GPC5: variants seen among roughly 807,000 people sequenced by gnomAD.
The protein encoded by GPC5 is glypican-5.
A neutral mutation model predicts 53.9 loss-of-function variants in GPC5; 47 were observed. The observed-to-expected ratio is 0.87, with a 90% CI of 0.69 to 1.11. GPC5 has a LOEUF of 1.11. Among genes scored for constraint, GPC5 ranks in the 50% most tolerant of loss-of-function variants. The pLI, the probability that GPC5 is intolerant of heterozygous loss-of-function variation, is 0.00. For synonymous variants in GPC5, 286 were observed against 263.3 expected (o/e 1.09, Z -0.84); for missense variants, 748 against 713.1 (o/e 1.05, Z -0.56).
At chr13:91,636,383 T>C (rs1317687442) in intron 2 of GPC5, among the ~76,000 whole-genome samples, 1 of 149,868 alleles carries the variant, frequency 6.7e-6, no homozygotes, top group Non-Finnish European at 1.5e-5. Flanking sequence ...TATATAAATA[T>C]ATTTTACATA....
At chr13:92,347,367 A>T (rs1467575603) in intron 7 of GPC5, among the ~76,000 whole-genome samples, 1 of 152,202 alleles carries the variant, frequency 6.6e-6, no homozygotes, top group Admixed American at 6.5e-5. Context: ...GCAGGCCAGG[A>T]AAGAGTGGGA....
intron 7 of GPC5, among the ~76,000 whole-genome samples, chr13:92,715,554 G>T (rs926667995): frequency 6.6e-5 from 10 of 152,158 alleles, no homozygotes; most frequent in Non-Finnish European, 1.5e-4. Flanking sequence ...AACATATGAT[G>T]ACTTCATTCA....
intron 7 of GPC5, among the ~76,000 whole-genome samples, chr13:92,620,864 T>G (rs1050962508): frequency 1.6e-4 from 24 of 152,246 alleles, no homozygotes; most frequent in African/African-American, 4.8e-4. Context: ...TCTGTGGACT[T>G]ACTTTATCCC....
At chr13:91,612,541 A>T (rs1210730466) in intron 2 of GPC5, among the ~76,000 whole-genome samples, 1 of 152,216 alleles carries the variant, frequency 6.6e-6, no homozygotes, top group Non-Finnish European at 1.5e-5. Context: ...ACAAAGGTGA[A>T]GTAAAATATT....
rs1021344326 is a variant in GPC5, at chr13:92,247,560, A to G, written c.1561+102571A>G. 4.6e-5 allele frequency among the ~76,000 whole-genome samples: 7 copies of G among 152,268 alleles called. No homozygotes were observed. The East Asian group carries it at 1.2e-3, about 25-fold the overall frequency. On this transcript the variant is annotated intron_variant, in intron 7 of 7. Coordinates refer to ENST00000377067, the MANE Select transcript of GPC5 (RefSeq NM_004466.6). ...TAGAAATTCTTTATTAGAATTTGGT[A>G]TAATATAGTCTATGGAACATACACT...
At chr13:91,498,718 A>T (rs1884446185) in intron 2 of GPC5, among the ~76,000 whole-genome samples, 2 of 151,976 alleles carry the variant, frequency 1.3e-5, no homozygotes, top group South Asian at 4.2e-4. Context: ...AAGCTATTGC[A>T]GTTGCACTTT....
intron 5 of GPC5, among the ~76,000 whole-genome samples, chr13:91,905,006 T>A (rs1436735999): frequency 6.6e-6 from 1 of 151,982 alleles, no homozygotes; most frequent in Non-Finnish European, 1.5e-5. Flanking sequence ...AAGCAGCAAA[T>A]GGCCTTAAAT....
At chr13:92,597,336 A>G (rs1387235231) in intron 7 of GPC5, among the ~76,000 whole-genome samples, 1 of 152,044 alleles carries the variant, frequency 6.6e-6, no homozygotes, top group Non-Finnish European at 1.5e-5. Flanking sequence ...ACATGTAACC[A>G]GGGCACACAC....
intron 7 of GPC5, among the ~76,000 whole-genome samples, chr13:92,634,287 G>C (rs1488930164): frequency 6.6e-6 from 1 of 152,002 alleles, no homozygotes; most frequent in Non-Finnish European, 1.5e-5. Context: ...TAATTATCAA[G>C]GGAATTATCT....
At chr13:92,177,140 G>T (rs1167399471) in intron 7 of GPC5, among the ~76,000 whole-genome samples, 1 of 152,000 alleles carries the variant, frequency 6.6e-6, no homozygotes, top group African/African-American at 2.4e-5. Flanking sequence ...TTAACTTCTT[G>T]GCTTACAGAC....
At chr13:92,056,333 C>T (rs1434566506) in intron 6 of GPC5, among the ~76,000 whole-genome samples, 2 of 152,264 alleles carry the variant, frequency 1.3e-5, no homozygotes, top group East Asian at 3.9e-4. Context: ...CGGGATTACA[C>T]TGGGCTCACC....
chr13:92,417,493 T>A (rs1473330698), intron 7 of GPC5, among the ~76,000 whole-genome samples: 3 of 152,216 alleles, frequency 2.0e-5, no homozygotes, highest in African/African-American at 4.8e-5. Context: ...CCTAGGTATA[T>A]ATGCCTCAAA....
At chr13:91,698,627 G>C (rs2035931995) in intron 3 of GPC5, among the ~76,000 whole-genome samples, 1 of 152,168 alleles carries the variant, frequency 6.6e-6, no homozygotes. Flanking sequence ...GAACAAAAAA[G>C]CGTAGGGAAG....
At chr13:92,604,022 AAGAAG>A (rs1884169955) in intron 7 of GPC5, among the ~76,000 whole-genome samples, 2 of 152,210 alleles carry the variant, frequency 1.3e-5, no homozygotes, top group South Asian at 4.1e-4. Context: ...CGTGCTCAAA[AAGAAG>A]AGAAGAATGT....
At chr13:91,678,161 C>G (rs956449541) in intron 2 of GPC5, among the ~76,000 whole-genome samples, 2 of 152,240 alleles carry the variant, frequency 1.3e-5, no homozygotes, top group East Asian at 3.9e-4. Flanking sequence ...GGAGTGAATA[C>G]TTTCAATTCA....
At chr13:92,473,375 G>A (rs142091622) in intron 7 of GPC5, among the ~76,000 whole-genome samples, 162 of 152,172 alleles carry the variant, frequency 1.1e-3, no homozygotes, top group African/African-American at 3.8e-3. Context: ...TTGAAGTCTT[G>A]TACCAGGCAG....
In GPC5 at chr13:91,707,501, G is replaced by A. The variant is rs76680352; in HGVS notation, c.1020+13620G>A. ...AGGTAGGCATGTTGGCACACCTGTG[G>A]TCCCAGCTGCTCAGGAAGCTCATGT... On this transcript the variant is annotated intron_variant, in intron 3 of 7. Transcript: ENST00000377067. 3.0e-3 allele frequency among the ~76,000 whole-genome samples: 450 copies of A among 152,120 alleles called. 12 individuals carry two copies. The East Asian group carries it at 0.031, about 10-fold the overall frequency.
chr13:91,712,088 C>T lies in GPC5; in HGVS notation c.1021-16444C>T, dbSNP rs527580251. On this transcript the variant is annotated intron_variant, in intron 3 of 7. Transcript: ENST00000377067. ...ATAGGACTAAACATTATCTTGACCT[C>T]CTAAAAGTGGTTTATTTCCAGAGAG... 1.7e-3 allele frequency among the ~76,000 whole-genome samples: 259 copies of T among 152,226 alleles called. 4 individuals carry two copies. The highest frequency in any genetic ancestry group is 6.1e-3 in the African/African-American group (252 of 41,540).
At chr13:92,184,952 T>C (rs1003019796) in intron 7 of GPC5, among the ~76,000 whole-genome samples, 1 of 152,124 alleles carries the variant, frequency 6.6e-6, no homozygotes, top group Non-Finnish European at 1.5e-5. Flanking sequence ...CACTAAGTAA[T>C]TTGCTGAAAA....
Sources: gnomAD v4.1 joint callset for allele counts (sites outside exome capture counted in the v4.1 genomes callset) on GRCh38, gnomAD v4.1.1 for gene constraint, MANE v1.5 for transcripts, NCBI Gene and HGNC (gene_info 2026-07-23, HGNC 2026-07-21) for gene names.